The following GLI3 variants were observed in gnomAD, a reference collection of about 807,000 sequenced individuals.
The protein encoded by GLI3 is transcription activator GLI3.
In GLI3, 20 loss-of-function variants were observed where a neutral mutation model predicts 100.8. That is an observed-to-expected ratio of 0.20 (90% CI 0.14 to 0.29). GLI3 has a LOEUF of 0.29. Among genes scored for constraint, GLI3 ranks in the 10% least tolerant of loss-of-function variants. The pLI is 1.00. For missense variants in GLI3, 2,040 were observed against 2,128.5 expected (o/e 0.96, Z 0.82); for synonymous variants, 938 against 860.5 (o/e 1.09, Z -1.58).
At chr7:42,105,592 A>C (rs1785555958) in intron 3 of GLI3, among the ~76,000 whole-genome samples, 1 of 152,170 alleles carries the variant, frequency 6.6e-6, no homozygotes, top group Non-Finnish European at 1.5e-5. Flanking sequence ...TATGTACTTA[A>C]GTTAATCACA....
intron 2 of GLI3, among the ~76,000 whole-genome samples, chr7:42,180,172 G>T (rs1284817309): frequency 6.6e-6 from 1 of 152,138 alleles, no homozygotes; most frequent in African/African-American, 2.4e-5. Flanking sequence ...AACAGAGAAG[G>T]CCCAGCTATC....
At chr7:42,246,583 T>C (rs558102191) in intron 1 of GLI3, among the ~76,000 whole-genome samples, 4 of 151,962 alleles carry the variant, frequency 2.6e-5, no homozygotes, top group Non-Finnish European at 5.9e-5. Flanking sequence ...AGCTGTATTG[T>C]TTTTAAAAGA....
chr7:42,237,976 T>G (rs1441247214), upstream of GLI3: 157 of 146,092 alleles, frequency 1.1e-3, no homozygotes, highest in Middle Eastern at 3.9e-3. Context: ...CTCCCCGCCC[T>G]CCGCCGCCGC....
At chr7:42,018,378 C>A (rs150272123) in intron 10 of GLI3, among the ~76,000 whole-genome samples, 1 of 152,270 alleles carries the variant, frequency 6.6e-6, no homozygotes, top group East Asian at 1.9e-4. Flanking sequence ...TAATTTCTGC[C>A]TCATATCTGA....
chr7:41,967,603 T>C lies in GLI3; in HGVS notation c.2424A>G (p.Ile808Met), dbSNP rs62622373. Residue 808 changes from isoleucine to methionine, a missense_variant, in exon 14 of 15, where the codon ATA (isoleucine) becomes ATG (methionine). This residue lies in a region of GLI3 where 327 missense variants were observed against 338.7 expected (regional missense o/e 0.97). Transcript: ENST00000395925. ...GTCTGATGTAGAACTCACCATTTCC[T>C]ATGAGAGGAGAGACCGCAGGGGCTT... ...PPKAPAVSPL[I>M]GNGTQSNNTC... 2.3e-3 allele frequency: 3,681 copies of C among 1,611,074 alleles called. 12 individuals are homozygous for C. The highest frequency in any genetic ancestry group is 3.5e-3 in the Middle Eastern group (20 of 5,708).
Position 42,026,169 on chromosome 7 carries a change from C to A in GLI3, c.1242+30G>T, listed in dbSNP as rs199545065. 4.5e-6 allele frequency: 7 copies of A among 1,540,600 alleles called. No individual in the cohort carries two copies. The South Asian group carries it at 5.7e-5, about 13-fold the overall frequency. ...TGCCCCCACCCTCGGCTGACCAGCA[C>A]GGCCGGGTGCATCGACCTGTCCCTC... is the stretch of plus-strand genomic sequence containing the variant. On this transcript the variant is annotated intron_variant, in intron 8 of 14. Transcript: ENST00000395925.
At chr7:42,119,852 T>C (rs998983556) in intron 3 of GLI3, among the ~76,000 whole-genome samples, 2 of 152,164 alleles carry the variant, frequency 1.3e-5, no homozygotes, top group African/African-American at 4.8e-5. Context: ...GTGCAATAAC[T>C]TTCTACCCCC....
chr7:42,260,214 T>A (rs1347426348), intron 1 of GLI3, among the ~76,000 whole-genome samples: 1 of 152,216 alleles, frequency 6.6e-6, no homozygotes, highest in Non-Finnish European at 1.5e-5. Flanking sequence ...ATAATGAACA[T>A]CTACGTACCA....
intron 4 of GLI3, among the ~76,000 whole-genome samples, chr7:42,074,620 C>T (rs553521209): frequency 4.5e-4 from 68 of 152,184 alleles, no homozygotes; most frequent in Non-Finnish European, 8.4e-4. Flanking sequence ...CACAAAGACA[C>T]AGGGGCGTGA....
intron 2 of GLI3, among the ~76,000 whole-genome samples, chr7:42,175,823 C>T (rs1207262728): frequency 2.0e-5 from 3 of 152,174 alleles, no homozygotes; most frequent in African/African-American, 7.2e-5. Context: ...AACCCTTTAT[C>T]TCTTTGATTT....
intron 2 of GLI3, among the ~76,000 whole-genome samples, chr7:42,207,937 C>T (rs1442167881): frequency 2.6e-5 from 4 of 152,158 alleles, no homozygotes; most frequent in African/African-American, 4.8e-5. Flanking sequence ...GTGGGTAGAA[C>T]ACCCAAAGTC....
chr7:42,202,497 A>G (rs1362175813), intron 2 of GLI3, among the ~76,000 whole-genome samples: 1 of 152,212 alleles, frequency 6.6e-6, no homozygotes, highest in Non-Finnish European at 1.5e-5. Context: ...ATATCAGAGC[A>G]GTAGTCAGTA....
intron 3 of GLI3, among the ~76,000 whole-genome samples, chr7:42,120,463 A>G (rs1223993131): frequency 1.3e-5 from 2 of 152,232 alleles, no homozygotes; most frequent in Non-Finnish European, 2.9e-5. Context: ...AGGTTTAGGC[A>G]GAGATTTATA....
intron 2 of GLI3, among the ~76,000 whole-genome samples, chr7:42,213,254 G>C (rs955156629): frequency 6.6e-6 from 1 of 152,184 alleles, no homozygotes; most frequent in Non-Finnish European, 1.5e-5. Flanking sequence ...ACTCTACATT[G>C]GCCAAGAAGA....
intron 2 of GLI3, among the ~76,000 whole-genome samples, chr7:42,219,655 T>C (rs1401564033): frequency 1.5e-4 from 23 of 152,192 alleles, no homozygotes; most frequent in Admixed American, 1.5e-3. Flanking sequence ...TGCAGTGGAA[T>C]GTGAGTGGTT....
chr7:42,158,783 C>A (rs1361588315), intron 2 of GLI3, among the ~76,000 whole-genome samples: 1 of 152,170 alleles, frequency 6.6e-6, no homozygotes, highest in African/African-American at 2.4e-5. Context: ...ATGTGAGCCA[C>A]CGCGCCCAGC....
At chr7:42,067,264 G>A (rs1348283442) in intron 4 of GLI3, among the ~76,000 whole-genome samples, 4 of 152,058 alleles carry the variant, frequency 2.6e-5, no homozygotes, top group East Asian at 3.9e-4. Context: ...ATATGTTAAC[G>A]ACAATGGGTG....
chr7:42,179,780 C>T (rs1381620587), intron 2 of GLI3, among the ~76,000 whole-genome samples: 2 of 152,026 alleles, frequency 1.3e-5, no homozygotes, highest in African/African-American at 4.8e-5. Context: ...CAATGTTCCA[C>T]CGTTGGGAGC....
At chr7:42,178,474 C>T (rs1044997007) in intron 2 of GLI3, among the ~76,000 whole-genome samples, 1 of 152,178 alleles carries the variant, frequency 6.6e-6, no homozygotes, top group African/African-American at 2.4e-5. Flanking sequence ...CAAATTAAAG[C>T]TAAACGGCCT....
Sources: gnomAD v4.1 joint callset for allele counts (sites outside exome capture counted in the v4.1 genomes callset) on GRCh38, gnomAD v4.1.1 for gene constraint, gnomAD v4.1.1 regional missense constraint, MANE v1.5 for transcripts, NCBI Gene and HGNC (gene_info 2026-07-23, HGNC 2026-07-21) for gene names.